Variants in SYNPR observed in about 807,000 individuals in gnomAD.
SYNPR encodes synaptoporin.
A neutral mutation model predicts 32.9 loss-of-function variants in SYNPR; 23 were observed. The ratio of observed to expected loss-of-function variants is 0.70; its 90% confidence interval spans 0.50 to 0.99. The LOEUF is 0.99. Ranked by LOEUF, SYNPR falls within the 50% of genes least tolerant of loss-of-function variation. The probability of loss-of-function intolerance (pLI) is 0.00; values close to 1 mark genes in which losing one functional copy is unlikely to be tolerated. For synonymous variants in SYNPR, 146 were observed against 135.9 expected (o/e 1.07, Z -0.52); for missense variants, 318 against 349.3 (o/e 0.91, Z 0.71).
chr3:63,500,082 A>T (rs9820516), intron 3 of SYNPR, among the ~76,000 whole-genome samples: 28,515 of 152,154 alleles, frequency 0.19, 2,804 homozygotes, highest in African/African-American at 0.22. Flanking sequence ...AGCAGGAAAT[A>T]GATGGTATTA....
intron 4 of SYNPR, among the ~76,000 whole-genome samples, chr3:63,569,712 A>C (rs1421868153): frequency 6.6e-6 from 1 of 152,254 alleles, no homozygotes; most frequent in Non-Finnish European, 1.5e-5. Context: ...CTTTGGCAGT[A>C]TCCTTTCTCA....
At chr3:63,549,826 AT>A (rs199845146) in intron 3 of SYNPR, among the ~76,000 whole-genome samples, 2 of 151,386 alleles carry the variant, frequency 1.3e-5, no homozygotes, top group Admixed American at 6.6e-5. Flanking sequence ...ATTGGTACAT[AT>A]TTTTTTTTAA....
intron 3 of SYNPR, among the ~76,000 whole-genome samples, chr3:63,540,432 C>T (rs1324098278): frequency 1.3e-5 from 2 of 151,958 alleles, no homozygotes; most frequent in Non-Finnish European, 2.9e-5. Context: ...ACAAGGTCCT[C>T]AAAGTTGGGG....
intron 3 of SYNPR, among the ~76,000 whole-genome samples, chr3:63,494,416 T>TATAC (rs1483965245): frequency 9.5e-6 from 1 of 105,764 alleles, no homozygotes; most frequent in Non-Finnish European, 1.8e-5. Flanking sequence ...TATATATATA[T>TATAC]ACGTATATAT....
At position 63,368,809 on chromosome 3, in the gene SYNPR, C is replaced by T. The variant is rs190521038; in HGVS notation, c.84+90067C>T. Among the ~76,000 whole-genome samples, 13 of 152,244 alleles carry T rather than the reference C, an allele frequency of 8.5e-5. No homozygotes were observed. In the East Asian group the frequency reaches 1.7e-3, roughly 20 times the overall value. On this transcript the variant is annotated intron_variant, in intron 2 of 5. Transcript: ENST00000478300. ...TTTGGAAAGAGGTATTTTATTTATA[C>T]AGTGTTGCTTCAAGTCAGATTGTGA...
At chr3:63,387,188 T>G (rs2088057339) in intron 2 of SYNPR, among the ~76,000 whole-genome samples, 1 of 152,250 alleles carries the variant, frequency 6.6e-6, no homozygotes, top group Non-Finnish European at 1.5e-5. Flanking sequence ...ATAATTTAGT[T>G]ATTTGCATAT....
chr3:63,403,835 GA>G (rs1256743045), intron 2 of SYNPR, among the ~76,000 whole-genome samples: 2 of 152,134 alleles, frequency 1.3e-5, no homozygotes, highest in Non-Finnish European at 2.9e-5. Context: ...AAAGGAGCTG[GA>G]TCAAGGGAAG....
At chr3:63,384,544 G>A (rs2088017104) in intron 2 of SYNPR, among the ~76,000 whole-genome samples, 2 of 152,160 alleles carry the variant, frequency 1.3e-5, no homozygotes, top group South Asian at 4.1e-4. Context: ...CCATGGTTAG[G>A]TTTTATCCTA....
rs935790 is a variant in SYNPR, at chr3:63,484,195, G to A, written c.209+3239G>A. On this transcript the variant is annotated intron_variant, in intron 3 of 5. Coordinates refer to ENST00000478300, the MANE Select transcript of SYNPR (RefSeq NM_001130003.2). ...TCCTATCAGAAATAATTGACATGCA[G>A]CAATGTATCATATTGTTATAGAAAT... 8.4e-3 allele frequency among the ~76,000 whole-genome samples: 1,276 copies of A among 152,224 alleles called. 60 individuals carry two copies. The East Asian group carries it at 0.13, about 16-fold the overall frequency.
At chr3:63,494,522 C>CAT (rs67679314) in intron 3 of SYNPR, among the ~76,000 whole-genome samples, 12 of 52,140 alleles carry the variant, frequency 2.3e-4, no homozygotes, top group Non-Finnish European at 5.0e-4. Context: ...TACATATATA[C>CAT]ATATATATAT....
In SYNPR at chr3:63,278,739, A is replaced by G. The variant is rs2086600614; in HGVS notation, c.81A>G (p.Glu27=). 2 of 1,551,450 alleles carry G rather than the reference A, an allele frequency of 1.3e-6. No individual in the cohort carries two copies. The highest frequency in any genetic ancestry group is 2.0e-5 in the Admixed American group (1 of 50,982). Residue 27 remains glutamate, a synonymous_variant, in exon 2 of 6, where the codon GAA becomes GAG. Transcript: ENST00000478300. ...CCCTTGCCTTCCTGCGAGCCCTGGA[A>G]TTGGTGAGTAGCAGTGTGTGTGCAG... ...KEPLAFLRAL[E]LLFAIFAFAT...
At chr3:63,554,777 G>A (rs967256354) in intron 3 of SYNPR, among the ~76,000 whole-genome samples, 1 of 151,986 alleles carries the variant, frequency 6.6e-6, no homozygotes, top group Non-Finnish European at 1.5e-5. Context: ...GATAGGAATA[G>A]AATTTAATCT....
intron 3 of SYNPR, among the ~76,000 whole-genome samples, chr3:63,505,262 G>A (rs1701566047): frequency 6.6e-6 from 1 of 152,104 alleles, no homozygotes; most frequent in African/African-American, 2.4e-5. Flanking sequence ...AAAACCAGGT[G>A]AATATCGACA....
At chr3:63,522,246 A>G (rs933952275) in intron 3 of SYNPR, among the ~76,000 whole-genome samples, 32 of 152,192 alleles carry the variant, frequency 2.1e-4, no homozygotes, top group African/African-American at 7.2e-4. Flanking sequence ...ACCATCCTCT[A>G]TCGTTCCAGT....
intron 2 of SYNPR, among the ~76,000 whole-genome samples, chr3:63,372,776 G>C (rs1245475370): frequency 1.3e-5 from 2 of 152,194 alleles, no homozygotes; most frequent in East Asian, 1.9e-4. Flanking sequence ...GGGCTGCAAA[G>C]TGCAGCCCAG....
chr3:63,225,629 C>A (rs2086122958), upstream of SYNPR, among the ~76,000 whole-genome samples: 1 of 151,984 alleles, frequency 6.6e-6, no homozygotes, highest in African/African-American at 2.4e-5. Context: ...AACCCATCTC[C>A]CATCATATAC....
intron 4 of SYNPR, among the ~76,000 whole-genome samples, chr3:63,604,454 T>C (rs551164716): frequency 1.1e-4 from 17 of 152,288 alleles, no homozygotes; most frequent in African/African-American, 3.6e-4. Flanking sequence ...ATTTGAGATC[T>C]TTGTAACTTT....
chr3:63,523,336 C>T (rs76055474), intron 3 of SYNPR, among the ~76,000 whole-genome samples: 2,640 of 152,128 alleles, frequency 0.017, 37 homozygotes, highest in Non-Finnish European at 0.027. Context: ...TTGTCTTTGG[C>T]TAAAGGGTAG....
At chr3:63,426,881 A>G (rs1451653743) in intron 2 of SYNPR, 1 of 152,192 alleles carries the variant, frequency 6.6e-6, no homozygotes, top group Non-Finnish European at 1.5e-5. Context: ...TTTTTGTCTC[A>G]GCAAAGAATT....
Sources: allele counts gnomAD v4.1 joint callset (sites outside exome capture counted in the v4.1 genomes callset), GRCh38; gene constraint gnomAD v4.1.1; transcripts MANE v1.5; gene names NCBI Gene and HGNC (gene_info 2026-07-23, HGNC 2026-07-21).